The following LCOR variants were observed in gnomAD, a reference collection of about 807,000 sequenced individuals.
The protein encoded by LCOR is ligand dependent nuclear receptor corepressor.
A neutral mutation model predicts 64.4 loss-of-function variants in LCOR; 14 were observed. The observed-to-expected ratio is 0.22, with a 90% CI of 0.14 to 0.34. The LOEUF (loss-of-function observed/expected upper bound fraction) is 0.34, where lower values mean the gene tolerates loss of function less well. LCOR is among the 10% of genes least tolerant of loss of function. LCOR has a pLI of 1.00. For synonymous variants in LCOR, 643 were observed against 642.5 expected, an observed-to-expected ratio of 1.00 and a Z score of -0.01; for missense variants, 1,686 against 1,765.3, an observed-to-expected ratio of 0.96 and a Z score of 0.80.
intron 1 of LCOR, chr10:96,832,933 C>T (rs927976159): frequency 1.3e-4 from 125 of 956,406 alleles, no homozygotes; most frequent in Non-Finnish European, 1.5e-4. Context: ...GGGCTGCAGG[C>T]GGGCGCCCGG....
At chr10:96,943,818 C>T (rs1847540738) in intron 4 of LCOR, among the ~76,000 whole-genome samples, 1 of 150,742 alleles carries the variant, frequency 6.6e-6, no homozygotes, top group Non-Finnish European at 1.5e-5. Flanking sequence ...ATAATAGAAC[C>T]AATATATTTG....
chr10:96,844,995 C>A (rs1845602218), intron 2 of LCOR, among the ~76,000 whole-genome samples: 1 of 152,124 alleles, frequency 6.6e-6, no homozygotes, highest in African/African-American at 2.4e-5. Context: ...TTCTTCACTT[C>A]CAACCTTCTG....
chr10:96,970,653 A>ATTTTATTTTATTTAT lies in LCOR; in HGVS notation c.333-10137_333-10136insTATTTTATTTATTTT, dbSNP rs1208672189. Among the ~76,000 whole-genome samples, 343 of 140,820 alleles carry ATTTTATTTTATTTAT rather than the reference A, an allele frequency of 2.4e-3. 2 individuals carry two copies. The highest frequency in any genetic ancestry group is 8.6e-3 in the African/African-American group (326 of 37,910). The allele number at this position is 140,820 out of a possible 152,430, so 92.4% of individuals were successfully genotyped here. On this transcript the variant is annotated intron_variant, in intron 7 of 7. Coordinates refer to ENST00000421806, the MANE Select transcript of LCOR (RefSeq NM_001346516.2). ...ATTTTATTTTATTTTATTTTATTTTATTTATTTTATTTTATTTTATTTTAG... is the reference window on the plus strand; with the variant it reads ...ATTTTATTTTATTTTATTTTATTTTATTTTATTTTATTTATTTTATTTTATTTTATTTTATTTTAG...
intron 4 of LCOR, among the ~76,000 whole-genome samples, chr10:96,912,745 A>G (rs1032637651): frequency 6.6e-6 from 1 of 150,904 alleles, no homozygotes; most frequent in Non-Finnish European, 1.5e-5. Flanking sequence ...CTAGTTTTTC[A>G]TGCACTAATT....
intron 2 of LCOR, among the ~76,000 whole-genome samples, chr10:96,848,905 A>G (rs1449520346): frequency 1.3e-5 from 2 of 151,006 alleles, no homozygotes; most frequent in Non-Finnish European, 2.9e-5. Context: ...TCTTTTCTTT[A>G]TACTTTTTCC....
chr10:96,881,331 G>A (rs1640658245), intron 2 of LCOR, among the ~76,000 whole-genome samples: 1 of 152,164 alleles, frequency 6.6e-6, no homozygotes, highest in Non-Finnish European at 1.5e-5. Flanking sequence ...ACAGTTTAAT[G>A]ATGGTTAACT....
At chr10:96,900,334 G>T (rs1284967107) in intron 2 of LCOR, among the ~76,000 whole-genome samples, 1 of 151,642 alleles carries the variant, frequency 6.6e-6, no homozygotes, top group Non-Finnish European at 1.5e-5. Flanking sequence ...GTTCTTTTAA[G>T]TCATCCTATA....
At chr10:96,832,846 G>GGCCGCC (rs930200202) in intron 1 of LCOR, 8 of 302,122 alleles carry the variant, frequency 2.6e-5, no homozygotes, top group Non-Finnish European at 3.4e-5. Flanking sequence ...CCCGCGCTGT[G>GGCCGCC]GCCGCCGCCG....
Position 96,988,690 on chromosome 10 carries a change from A to C in LCOR, c.*3556A>C, listed in dbSNP as rs1390191185. ...TGATTAGTGGACCTAAGAGCCAAGT[A>C]GGAAAATATAGCATGCTATGTGATA... On this transcript the variant is annotated 3_prime_UTR_variant, in exon 8 of 8. Transcript: ENST00000421806. 1 of 152,234 alleles carries C rather than the reference A, an allele frequency of 6.6e-6. No homozygotes were observed. Among genetic ancestry groups the C allele is most frequent in the South Asian group, 2.1e-4 (1 of 4,828 alleles). The allele number at this position is 152,234 out of a possible 1,614,324, so 9.4% of individuals were successfully genotyped here.
chr10:96,933,720 G>T (rs549081366), intron 4 of LCOR, among the ~76,000 whole-genome samples: 3 of 152,164 alleles, frequency 2.0e-5, no homozygotes, highest in Non-Finnish European at 4.4e-5. Flanking sequence ...GGATTTCACC[G>T]TGTTGATCAG....
intron 4 of LCOR, among the ~76,000 whole-genome samples, chr10:96,923,651 A>C (rs886115294): frequency 7.9e-5 from 12 of 152,234 alleles, no homozygotes; most frequent in Admixed American, 2.0e-4. Flanking sequence ...TTATTGTTAA[A>C]AATTTAACCA....
chr10:96,907,777 T>C, intron 4 of LCOR, 30 bp downstream of exon 4: 1 of 738,296 alleles, frequency 1.4e-6, no homozygotes. Context: ...AACTTTTATT[T>C]AGTGTAGTAT....
Position 96,952,168 on chromosome 10 carries a change from C to A in LCOR, c.304C>A (p.Pro102Thr). Residue 102 changes from proline to threonine, a missense_variant, in exon 7 of 8, where the codon CCA becomes ACA. By Grantham distance (38) the Pro-to-Thr change is conservative. Around this residue, in one of 3 missense-constraint regions of LCOR, gnomAD observed 313 missense variants for 247.2 expected, o/e 1.27. Transcript: ENST00000421806. The part of the protein sequence containing the change: ...CAGSTSLSHS[P>T]GCSSTQGNGE... ...TGGCAGCACTTCCCTGAGCCACTCT[C>A]CAGGCTGCTCCAGTACTCAAGGGAA... 2 of 1,613,758 alleles carry A rather than the reference C, an allele frequency of 1.2e-6. No individual in the cohort carries two copies. Among genetic ancestry groups the A allele is most frequent in the Non-Finnish European group, 8.5e-7 (1 of 1,179,670 alleles).
At chr10:96,854,853 G>A (rs1462844387) in intron 2 of LCOR, among the ~76,000 whole-genome samples, 1 of 152,116 alleles carries the variant, frequency 6.6e-6, no homozygotes, top group African/African-American at 2.4e-5. Context: ...CATTTAAATG[G>A]TGTCTTTAAT....
intron 4 of LCOR, among the ~76,000 whole-genome samples, chr10:96,927,357 ATAAT>A (rs1847186859): frequency 2.0e-5 from 3 of 152,096 alleles, no homozygotes; most frequent in African/African-American, 7.2e-5. Context: ...ATAAGTTATA[ATAAT>A]TCTTTATATA....
intron 4 of LCOR, among the ~76,000 whole-genome samples, chr10:96,932,027 T>A (rs1445609933): frequency 6.6e-6 from 1 of 152,212 alleles, no homozygotes; most frequent in East Asian, 1.9e-4. Flanking sequence ...CAGAATTCAC[T>A]AATCTAGGTC....
intron 4 of LCOR, 50 bp from the exon 5 acceptor site, chr10:96,944,062 AT>A: frequency 1.0e-6 from 1 of 982,488 alleles, no homozygotes. Flanking sequence ...TGCTTTTGTT[AT>A]TGAATGGGGA....
rs1288403355 is a variant in LCOR at position 96,920,750 on chromosome 10, A to ATATATG, written c.-184+13005_-184+13006insTATGTA. 4.3e-3 allele frequency among the ~76,000 whole-genome samples: 289 copies of ATATATG among 66,828 alleles called. 10 individuals are homozygous for ATATATG. Among genetic ancestry groups the ATATATG allele is most frequent in the African/African-American group, 7.2e-3 (78 of 10,878 alleles). 43.8% of individuals were successfully genotyped at this position (66,828 alleles called of 152,430 possible). A position where few individuals can be genotyped will look rare whatever the true frequency, so the allele number is the denominator to read the frequency against. ...TGTTCATATATATGTGTATATATGT[A>ATATATG]TACACACACACACACACACACACAC... is the stretch of plus-strand genomic sequence containing the variant. On this transcript the variant is annotated intron_variant, in intron 4 of 7. Transcript: ENST00000421806.
In LCOR at chr10:96,983,211, C is replaced by A. The variant is rs563256277; in HGVS notation, c.2751C>A (p.Asp917Glu). 6.2e-7 allele frequency: 1 copy of A among 1,614,004 alleles called. No homozygotes were observed. The highest frequency in any genetic ancestry group is 8.5e-7 in the Non-Finnish European group (1 of 1,180,048). Residue 917 changes from aspartate to glutamate, a missense_variant, in exon 8 of 8, where the codon GAC becomes GAA. Coordinates refer to ENST00000421806, the MANE Select transcript of LCOR (RefSeq NM_001346516.2). This position sits in a 1 kb window ranked among gnomAD's most constrained non-coding sequence, Gnocchi z 4.5. ...GGCAGACTTTGAAAAACATGCTGGA[C>A]AAAGAAGTCAAGGAGTTACGAGGAG... ...ITRQTLKNML[D>E]KEVKELRGEI...
Sources: gnomAD v4.1 joint callset for allele counts (sites outside exome capture counted in the v4.1 genomes callset) on GRCh38, gnomAD v4.1.1 for gene constraint, gnomAD v4.1.1 regional missense constraint, Gnocchi (gnomAD v3.1) non-coding constraint, MANE v1.5 for transcripts, NCBI Gene and HGNC (gene_info 2026-07-23, HGNC 2026-07-21) for gene names.